NEDD4L: variants seen among roughly 807,000 people sequenced by gnomAD.
NEDD4L encodes E3 ubiquitin-protein ligase NEDD4-like.
A neutral mutation model predicts 148.9 loss-of-function variants in NEDD4L; 54 were observed. The observed-to-expected ratio is 0.36, with a 90% CI of 0.29 to 0.45. The LOEUF (loss-of-function observed/expected upper bound fraction) is 0.45. NEDD4L is among the 20% of genes least tolerant of loss of function. The probability of loss-of-function intolerance (pLI) is 1.00; values close to 1 mark genes in which losing one functional copy is unlikely to be tolerated. For missense variants in NEDD4L, 856 were observed against 1,233.8 expected, an observed-to-expected ratio of 0.69 and a Z score of 4.59; for synonymous variants, 433 against 440.7, an observed-to-expected ratio of 0.98 and a Z score of 0.22.
intron 1 of NEDD4L, among the ~76,000 whole-genome samples, chr18:58,052,906 T>G (rs2081941051): frequency 6.6e-6 from 1 of 152,118 alleles, no homozygotes; most frequent in Non-Finnish European, 1.5e-5. Flanking sequence ...ATGGAGGTTG[T>G]GGTGAGCTGA....
chr18:58,159,189 G>T (rs2035882613), intron 1 of NEDD4L, among the ~76,000 whole-genome samples: 1 of 151,996 alleles, frequency 6.6e-6, no homozygotes, highest in South Asian at 2.1e-4. Context: ...ACAGGAAGGT[G>T]TGTGGGGTGG....
chr18:58,161,990 C>T (rs1003076316), intron 1 of NEDD4L, among the ~76,000 whole-genome samples: 1 of 152,118 alleles, frequency 6.6e-6, no homozygotes, highest in African/African-American at 2.4e-5. Flanking sequence ...TGTGGAATAG[C>T]TAGCATGTTT....
intron 2 of NEDD4L, among the ~76,000 whole-genome samples, chr18:58,203,235 G>A (rs1446353637): frequency 6.6e-6 from 1 of 152,140 alleles, no homozygotes; most frequent in African/African-American, 2.4e-5. Flanking sequence ...CCAAAGTGCT[G>A]GGATGATAGG....
At chr18:58,235,253 C>A (rs535914475) in intron 2 of NEDD4L, among the ~76,000 whole-genome samples, 1 of 152,242 alleles carries the variant, frequency 6.6e-6, no homozygotes, top group East Asian at 1.9e-4. Context: ...CTGTGAGGCC[C>A]ACTCTCGGTG....
At chr18:58,128,895 C>T (rs868370065) in intron 1 of NEDD4L, among the ~76,000 whole-genome samples, 1 of 152,198 alleles carries the variant, frequency 6.6e-6, no homozygotes, top group African/African-American at 2.4e-5. Flanking sequence ...TTTCTACCTA[C>T]AGTCACCTGC....
chr18:58,286,734 A>G (rs574891300), intron 5 of NEDD4L, among the ~76,000 whole-genome samples: 2 of 152,336 alleles, frequency 1.3e-5, no homozygotes, highest in South Asian at 4.1e-4. Context: ...TAATTGAGAT[A>G]GGTTGGTGTG....
At chr18:58,128,015 T>A (rs905254817) in intron 1 of NEDD4L, among the ~76,000 whole-genome samples, 3 of 151,434 alleles carry the variant, frequency 2.0e-5, no homozygotes, top group African/African-American at 7.3e-5. Flanking sequence ...CTAATTTTTT[T>A]GTTTTGTTTT....
At chr18:58,160,024 G>A (rs2035999957) in intron 1 of NEDD4L, among the ~76,000 whole-genome samples, 1 of 152,206 alleles carries the variant, frequency 6.6e-6, no homozygotes, top group Non-Finnish European at 1.5e-5. Context: ...ACCTGCCATT[G>A]TGGAAAATAA....
chr18:58,302,501 T>C (rs1252946167), intron 5 of NEDD4L, among the ~76,000 whole-genome samples: 5 of 152,234 alleles, frequency 3.3e-5, no homozygotes, highest in South Asian at 4.1e-4. Flanking sequence ...AGTTCCTTCA[T>C]TGGAGACCAG....
intron 9 of NEDD4L, among the ~76,000 whole-genome samples, chr18:58,326,803 T>C (rs972263805): frequency 6.6e-6 from 1 of 152,198 alleles, no homozygotes; most frequent in African/African-American, 2.4e-5. Context: ...TGGGGACAAA[T>C]AGGGATAATT....
intron 10 of NEDD4L, among the ~76,000 whole-genome samples, 157 bp from the exon 11 acceptor site, chr18:58,330,581 C>T (rs1236163186): frequency 6.6e-6 from 1 of 152,132 alleles, no homozygotes; most frequent in African/African-American, 2.4e-5. Context: ...TTATCTTCCT[C>T]GTGATTATTG....
chr18:58,329,640 A>G lies in NEDD4L; in HGVS notation c.813+513A>G, dbSNP rs552667776. On this transcript the variant is annotated intron_variant, in intron 10 of 30. Transcript: ENST00000400345. ...CCTAAAGTGCTGGGGTTATAGGTGC[A>G]TGCCATCACAATGGCTAATTTTTTT... Among the ~76,000 whole-genome samples, 4 of 150,434 alleles carry G rather than the reference A, an allele frequency of 2.7e-5. No individual in the cohort carries two copies. In the East Asian group the frequency reaches 5.8e-4, roughly 22 times the overall value.
intron 8 of NEDD4L, among the ~76,000 whole-genome samples, chr18:58,324,582 G>A (rs1018672098): frequency 1.4e-4 from 21 of 152,208 alleles, no homozygotes; most frequent in Admixed American, 6.5e-5. Flanking sequence ...CCTCATAGAG[G>A]TGTTGAAAAG....
chr18:58,124,286 C>T (rs894978115), intron 1 of NEDD4L, among the ~76,000 whole-genome samples: 17 of 152,300 alleles, frequency 1.1e-4, no homozygotes, highest in East Asian at 3.9e-4. Flanking sequence ...TGGTCAGACT[C>T]GTGCATGGCC....
At position 58,354,980 on chromosome 18, in the gene NEDD4L, C is replaced by T. The variant is rs140873400; in HGVS notation, c.1709-2214C>T. ...CCACGTTCCGAGAAACGCAGCATTG[C>T]TCCAAACAGCTAGTGTGCCGCAGGG... On this transcript the variant is annotated intron_variant, in intron 18 of 30. Coordinates refer to ENST00000400345, the MANE Select transcript of NEDD4L (RefSeq NM_001144967.3). 3.8e-4 allele frequency among the ~76,000 whole-genome samples: 58 copies of T among 152,338 alleles called. 1 individual carries two copies. Among genetic ancestry groups the T allele is most frequent in the African/African-American group, 1.3e-3 (53 of 41,580 alleles).
chr18:58,362,279 A>G (rs1029292467), intron 19 of NEDD4L, among the ~76,000 whole-genome samples: 16 of 152,168 alleles, frequency 1.1e-4, no homozygotes, highest in African/African-American at 3.4e-4. Context: ...TTTTTTTCCA[A>G]CATTTTCAGG....
chr18:58,221,290 T>G (rs190028803), intron 2 of NEDD4L, among the ~76,000 whole-genome samples: 1 of 152,260 alleles, frequency 6.6e-6, no homozygotes, highest in African/African-American at 2.4e-5. Context: ...CCGCCAGACA[T>G]AGAGTCATCC....
At chr18:58,127,469 C>T (rs546587086) in intron 1 of NEDD4L, among the ~76,000 whole-genome samples, 2 of 151,816 alleles carry the variant, frequency 1.3e-5, no homozygotes, top group South Asian at 2.1e-4. Context: ...ACTGGGAGGC[C>T]GAGGCGGGAA....
chr18:58,194,004 C>CTTGAATG (rs2040393735), intron 2 of NEDD4L: 1 of 152,296 alleles, frequency 6.6e-6, no homozygotes, highest in Non-Finnish European at 1.5e-5. Flanking sequence ...GAATTTCATT[C>CTTGAATG]TGTGTCACCG....
Sources: gnomAD v4.1 joint callset for allele counts (sites outside exome capture counted in the v4.1 genomes callset) on GRCh38, gnomAD v4.1.1 for gene constraint, MANE v1.5 for transcripts, NCBI Gene and HGNC (gene_info 2026-07-23, HGNC 2026-07-21) for gene names.